ADAMTSL1: variants seen among roughly 807,000 people sequenced by gnomAD.
The protein encoded by ADAMTSL1 is ADAMTS-like protein 1.
ADAMTSL1 carries 126 observed loss-of-function variants against 201.8 expected under a neutral mutation model. The ratio of observed to expected loss-of-function variants is 0.62; its 90% CI spans 0.54 to 0.72. ADAMTSL1 has a LOEUF of 0.72. Ranked by LOEUF, ADAMTSL1 falls within the 30% of genes least tolerant of loss-of-function variation. ADAMTSL1 has a pLI of 0.00. For synonymous variants in ADAMTSL1, 1,121 were observed against 903.4 expected, an observed-to-expected ratio of 1.24 and a Z score of -4.32; for missense variants, 2,679 against 2,277.8, an observed-to-expected ratio of 1.18 and a Z score of -3.59.
At chr9:18,254,180 A>G (rs1831577455) in intron 2 of ADAMTSL1, among the ~76,000 whole-genome samples, 1 of 151,898 alleles carries the variant, frequency 6.6e-6, no homozygotes, top group African/African-American at 2.4e-5. Flanking sequence ...AATCACGTCC[A>G]CCTCACTGGT....
intron 1 of ADAMTSL1, among the ~76,000 whole-genome samples, chr9:18,126,385 C>G (rs1020478429): frequency 1.3e-5 from 2 of 152,162 alleles, no homozygotes; most frequent in African/African-American, 4.8e-5. Context: ...CAGTATTACC[C>G]TCCTCCCGGA....
At position 18,513,099 on chromosome 9, in the gene ADAMTSL1, TA is replaced by T. The variant is rs535335990; in HGVS notation, c.191+8145del. On this transcript the variant is annotated intron_variant, in intron 2 of 28. Coordinates refer to ENST00000380548, the MANE Select transcript of ADAMTSL1 (RefSeq NM_001040272.6). The stretch of plus-strand genomic sequence containing the variant: ...AGGATCTTAGAGCTAATCTCCTCTC[TA>T]ATTCCCTCTTGGTTATTTCCCTTCC... 2.3e-3 allele frequency among the ~76,000 whole-genome samples: 355 copies of T among 152,320 alleles called. 2 individuals carry two copies. The highest frequency in any genetic ancestry group is 8.2e-3 in the African/African-American group (340 of 41,578).
At chr9:18,084,845 T>C (rs1490816788) in intron 1 of ADAMTSL1, among the ~76,000 whole-genome samples, 1 of 152,124 alleles carries the variant, frequency 6.6e-6, no homozygotes, top group African/African-American at 2.4e-5. Context: ...AGCAGAAATA[T>C]GTGCAAGTAA....
At chr9:18,148,447 A>G (rs969151623) in intron 1 of ADAMTSL1, among the ~76,000 whole-genome samples, 13 of 152,076 alleles carry the variant, frequency 8.5e-5, no homozygotes, top group African/African-American at 2.9e-4. Flanking sequence ...GTCAAGTCAA[A>G]TGGGAATCGG....
intron 15 of ADAMTSL1, among the ~76,000 whole-genome samples, chr9:18,727,408 C>A (rs910756925): frequency 6.6e-6 from 1 of 152,242 alleles, no homozygotes; most frequent in Non-Finnish European, 1.5e-5. Flanking sequence ...CATATCCAGG[C>A]GCCTTTGAAG....
chr9:18,828,982 G>A (rs748564795), intron 22 of ADAMTSL1, among the ~76,000 whole-genome samples: 8 of 151,878 alleles, frequency 5.3e-5, no homozygotes, highest in Admixed American at 4.6e-4. Context: ...CAAGTGCTCT[G>A]GAGAAAAAGG....
intron 1 of ADAMTSL1, among the ~76,000 whole-genome samples, chr9:18,128,445 C>T (rs1369796809): frequency 6.6e-6 from 1 of 152,134 alleles, no homozygotes; most frequent in African/African-American, 2.4e-5. Context: ...TCACTGCAGC[C>T]TCGACTTCCC....
At chr9:18,242,612 A>T (rs768009689) in intron 2 of ADAMTSL1, among the ~76,000 whole-genome samples, 2 of 152,138 alleles carry the variant, frequency 1.3e-5, no homozygotes, top group Non-Finnish European at 2.9e-5. Flanking sequence ...ATGTTAAAAA[A>T]ACTCAAAGAT....
intron 3 of ADAMTSL1, 73 bp downstream of exon 3, chr9:18,533,365 C>G: frequency 7.5e-7 from 1 of 1,332,380 alleles, no homozygotes; most frequent in Non-Finnish European, 1.0e-6. Flanking sequence ...GTTTTATATC[C>G]TGAGCAGGAA....
intron 23 of ADAMTSL1, among the ~76,000 whole-genome samples, chr9:18,885,031 T>C (rs1202437481): frequency 6.6e-6 from 1 of 152,198 alleles, no homozygotes; most frequent in Non-Finnish European, 1.5e-5. Context: ...TGAGATGTCC[T>C]CCCATGAATT....
intron 2 of ADAMTSL1, among the ~76,000 whole-genome samples, chr9:18,284,860 A>G (rs1289394476): frequency 6.6e-6 from 1 of 152,232 alleles, no homozygotes; most frequent in East Asian, 1.9e-4. Context: ...TATATGAATA[A>G]ATAGAAAACT....
At chr9:18,615,655 A>G (rs1043627607) in intron 4 of ADAMTSL1, among the ~76,000 whole-genome samples, 3 of 152,216 alleles carry the variant, frequency 2.0e-5, no homozygotes, top group Admixed American at 6.5e-5. Flanking sequence ...TCAGTGTTAT[A>G]ATCTGAACTT....
intron 3 of ADAMTSL1, among the ~76,000 whole-genome samples, chr9:18,533,507 A>G (rs904954196): frequency 3.9e-5 from 6 of 152,176 alleles, no homozygotes; most frequent in African/African-American, 1.2e-4. Context: ...TAACTAGACT[A>G]TTTCAAAACA....
At chr9:18,520,143 C>G (rs1365941993) in intron 2 of ADAMTSL1, among the ~76,000 whole-genome samples, 1 of 152,174 alleles carries the variant, frequency 6.6e-6, no homozygotes, top group East Asian at 1.9e-4. Flanking sequence ...CTATAATATT[C>G]TCATGTGGGT....
intron 2 of ADAMTSL1, among the ~76,000 whole-genome samples, chr9:18,255,660 G>A (rs1831653957): frequency 6.6e-6 from 1 of 152,210 alleles, no homozygotes; most frequent in Non-Finnish European, 1.5e-5. Context: ...AAATATCTAT[G>A]TTTGCAAATC....
At chr9:18,690,181 G>A (rs1271375206) in intron 13 of ADAMTSL1, among the ~76,000 whole-genome samples, 1 of 152,058 alleles carries the variant, frequency 6.6e-6, no homozygotes, top group Non-Finnish European at 1.5e-5. Flanking sequence ...GAGTCACCAT[G>A]GTGATTCTGT....
At chr9:18,594,032 G>GT (rs1824095948) in intron 4 of ADAMTSL1, among the ~76,000 whole-genome samples, 5 of 151,450 alleles carry the variant, frequency 3.3e-5, no homozygotes, top group African/African-American at 9.7e-5. Context: ...TGTGTTTTTT[G>GT]TTTTTTTGTT....
At chr9:18,474,083 C>A (rs2131762406), upstream of ADAMTSL1, 3 of 573,450 alleles carry the variant, frequency 5.2e-6, no homozygotes, top group Non-Finnish European at 3.1e-6. Flanking sequence ...CATCCACCCA[C>A]CCACCCCTCG....
intron 1 of ADAMTSL1, among the ~76,000 whole-genome samples, chr9:17,953,940 G>C (rs562881892): frequency 6.6e-6 from 1 of 152,260 alleles, no homozygotes; most frequent in African/African-American, 2.4e-5. Context: ...CCCCTTGAAG[G>C]GTCCATATGT....
Sources: allele counts gnomAD v4.1 joint callset (sites outside exome capture counted in the v4.1 genomes callset), GRCh38; gene constraint gnomAD v4.1.1; transcripts MANE v1.5; gene names NCBI Gene and HGNC (gene_info 2026-07-23, HGNC 2026-07-21).